TMEM132B: variants seen among roughly 807,000 people sequenced by gnomAD.
TMEM132B encodes transmembrane protein 132B.
In TMEM132B, 18 loss-of-function variants were observed where a neutral mutation model predicts 90.8. That is an observed-to-expected ratio of 0.20 (90% CI 0.14 to 0.29). The LOEUF (loss-of-function observed/expected upper bound fraction) is 0.29, where lower values mean the gene tolerates loss of function less well. TMEM132B is among the 10% of genes least tolerant of loss of function. The probability of loss-of-function intolerance (pLI) is 1.00; values close to 1 mark genes in which losing one functional copy is unlikely to be tolerated. For synonymous variants in TMEM132B, 504 were observed against 523.3 expected (o/e 0.96, Z 0.50); for missense variants, 1,096 against 1,326.8 (o/e 0.83, Z 2.70).
chr12:125,555,103 C>T (rs1884340328), intron 4 of TMEM132B, among the ~76,000 whole-genome samples: 1 of 152,068 alleles, frequency 6.6e-6, no homozygotes, highest in Admixed American at 6.5e-5. Flanking sequence ...GATTCGTGGG[C>T]TGAAGGGCTA....
At chr12:125,193,924 T>C (rs1290106124) in intron 1 of TMEM132B, among the ~76,000 whole-genome samples, 5 of 152,204 alleles carry the variant, frequency 3.3e-5, no homozygotes, top group Non-Finnish European at 7.3e-5. Context: ...TGGTCATCGC[T>C]TTCCTGCTCC....
At chr12:125,589,081 A>C (rs553095477) in intron 5 of TMEM132B, among the ~76,000 whole-genome samples, 2 of 152,204 alleles carry the variant, frequency 1.3e-5, no homozygotes, top group African/African-American at 4.8e-5. Context: ...GTATAGATAT[A>C]ATATTTATTG....
At chr12:125,205,101 G>A (rs1250278221) in intron 1 of TMEM132B, among the ~76,000 whole-genome samples, 2 of 147,470 alleles carry the variant, frequency 1.4e-5, no homozygotes. Context: ...TGAGGGCTCC[G>A]TGTACCAGGC....
chr12:125,552,377 G>T (rs564580799), intron 4 of TMEM132B, among the ~76,000 whole-genome samples: 7 of 152,186 alleles, frequency 4.6e-5, no homozygotes, highest in Non-Finnish European at 8.8e-5. Flanking sequence ...AGAGACAGAG[G>T]GGGGTGCCCT....
At chr12:125,271,505 G>T (rs1004370901) in intron 1 of TMEM132B, among the ~76,000 whole-genome samples, 1 of 152,164 alleles carries the variant, frequency 6.6e-6, no homozygotes, top group Non-Finnish European at 1.5e-5. Flanking sequence ...ATTCATGAGG[G>T]TTGAGTAAAA....
intron 2 of TMEM132B, among the ~76,000 whole-genome samples, chr12:125,372,141 C>T (rs776218732): frequency 1.2e-4 from 19 of 152,190 alleles, no homozygotes; most frequent in Non-Finnish European, 2.2e-4. Context: ...CTTTGGTTTT[C>T]GAGAATTTTA....
In TMEM132B at chr12:125,403,318, C is replaced by G. The variant is rs144388231; in HGVS notation, c.960-12213C>G. 1.3e-3 allele frequency among the ~76,000 whole-genome samples: 202 copies of G among 152,304 alleles called. 1 individual carries two copies. Among genetic ancestry groups the G allele is most frequent in the African/African-American group, 4.6e-3 (192 of 41,560 alleles). ...CCTCAGGCCACATCCTTTGGACTGT[C>G]TCATGCTGTGAGGGGCTTCTTTCAT... On this transcript the variant is annotated intron_variant, in intron 2 of 8. Transcript: ENST00000682704.
At chr12:125,202,903 A>G (rs955693542) in intron 1 of TMEM132B, among the ~76,000 whole-genome samples, 2 of 152,132 alleles carry the variant, frequency 1.3e-5, no homozygotes, top group African/African-American at 4.8e-5. Flanking sequence ...TTGATCATGA[A>G]CTTCCCCAGT....
intron 3 of TMEM132B, among the ~76,000 whole-genome samples, chr12:125,513,379 C>T (rs849342): frequency 0.35 from 53,547 of 151,938 alleles, 10,136 homozygotes; most frequent in Non-Finnish European, 0.42. Context: ...CGAGAGCGTG[C>T]GTGTGCGAGA....
chr12:125,593,704 C>A (rs1278890002), intron 5 of TMEM132B, among the ~76,000 whole-genome samples: 1 of 152,124 alleles, frequency 6.6e-6, no homozygotes, highest in Non-Finnish European at 1.5e-5. Flanking sequence ...GACTCCTGCC[C>A]TGCAGCTTTG....
At chr12:125,193,921 C>T (rs928742114) in intron 1 of TMEM132B, among the ~76,000 whole-genome samples, 3 of 152,234 alleles carry the variant, frequency 2.0e-5, no homozygotes, top group South Asian at 2.1e-4. Flanking sequence ...AGCTGGTCAT[C>T]GCTTTCCTGC....
chr12:125,219,960 T>C (rs1269473008), intron 1 of TMEM132B, among the ~76,000 whole-genome samples: 1 of 152,246 alleles, frequency 6.6e-6, no homozygotes, highest in South Asian at 2.1e-4. Flanking sequence ...AAGCCTGCTG[T>C]GTGTCAGTAT....
intron 3 of TMEM132B, among the ~76,000 whole-genome samples, chr12:125,495,200 C>G (rs1338204696): frequency 2.7e-5 from 3 of 111,004 alleles, no homozygotes; most frequent in Non-Finnish European, 5.5e-5. Context: ...TGGCAATGGC[C>G]GCTTCCCTCC....
chr12:125,435,289 A>G (rs1291745426), intron 3 of TMEM132B, among the ~76,000 whole-genome samples: 1 of 152,232 alleles, frequency 6.6e-6, no homozygotes, highest in Non-Finnish European at 1.5e-5. Flanking sequence ...TGATGTCCAA[A>G]GAAGGCAGAT....
At chr12:125,237,745 G>A (rs571428312) in intron 1 of TMEM132B, among the ~76,000 whole-genome samples, 7 of 152,210 alleles carry the variant, frequency 4.6e-5, no homozygotes, top group African/African-American at 1.2e-4. Context: ...CACCATGCCC[G>A]GCCACGTTGG....
At chr12:125,441,850 T>C (rs912140950) in intron 3 of TMEM132B, among the ~76,000 whole-genome samples, 2 of 152,238 alleles carry the variant, frequency 1.3e-5, no homozygotes, top group Non-Finnish European at 1.5e-5. Context: ...TTAAATGCAA[T>C]AGAAAATGAA....
chr12:125,408,750 G>A lies in TMEM132B; in HGVS notation c.960-6781G>A, dbSNP rs139813815. Among the ~76,000 whole-genome samples the A allele has an allele frequency of 2.0e-3, 302 of 152,262 alleles. 2 individuals carry two copies. The highest frequency in any genetic ancestry group is 6.8e-3 in the African/African-American group (282 of 41,554). On this transcript the variant is annotated intron_variant, in intron 2 of 8. Transcript: ENST00000682704. The surrounding 1 kb of genome is among the most constrained non-coding windows in gnomAD (Gnocchi z 5.9). Reference sequence around the variant, plus strand: ...GCATAAACCGAGGAGTGGCAATGCTGTTACAGGGTCTACGGAAATTCAGGC... The same window carrying A: ...GCATAAACCGAGGAGTGGCAATGCTATTACAGGGTCTACGGAAATTCAGGC...
chr12:125,441,539 T>G (rs897740587), intron 3 of TMEM132B, among the ~76,000 whole-genome samples: 1 of 152,276 alleles, frequency 6.6e-6, no homozygotes, highest in African/African-American at 2.4e-5. Flanking sequence ...GGATGCACTT[T>G]TGTGTTAAAC....
intron 1 of TMEM132B, among the ~76,000 whole-genome samples, chr12:125,308,095 C>CAAGTATATTACAAGTATATATACCTAT (rs1876038130): frequency 1.2e-5 from 1 of 85,102 alleles, no homozygotes; most frequent in Admixed American, 1.1e-4. Context: ...TATATACTTA[C>CAAGTATATTACAAGTATATATACCTAT]AATACAAGTA....
Sources: gnomAD v4.1 joint callset for allele counts (sites outside exome capture counted in the v4.1 genomes callset) on GRCh38, gnomAD v4.1.1 for gene constraint, Gnocchi (gnomAD v3.1) non-coding constraint, MANE v1.5 for transcripts, NCBI Gene and HGNC (gene_info 2026-07-23, HGNC 2026-07-21) for gene names.